The following VPS50 variants were observed in gnomAD, a reference collection of about 807,000 sequenced individuals.
The protein encoded by VPS50 is VPS50 subunit of EARP/GARPII complex, also known as syndetin.
VPS50 carries 70 observed loss-of-function variants against 139.7 expected under a neutral mutation model. That is an observed-to-expected ratio of 0.50 (90% CI 0.41 to 0.61). VPS50 has a LOEUF of 0.61. Among genes scored for constraint, VPS50 ranks in the 20% least tolerant of loss-of-function variants. VPS50 has a pLI of 0.00. For synonymous variants in VPS50, 365 were observed against 376.7 expected (o/e 0.97, Z 0.36); for missense variants, 921 against 1,133.7 (o/e 0.81, Z 2.69).
At chr7:93,307,909 T>G (rs937871603) in intron 18 of VPS50, among the ~76,000 whole-genome samples, 4 of 151,902 alleles carry the variant, frequency 2.6e-5, no homozygotes, top group Non-Finnish European at 5.9e-5. Context: ...AGTTGTTGAA[T>G]TAGGGGGCTA....
intron 9 of VPS50, among the ~76,000 whole-genome samples, chr7:93,261,123 A>G (rs1354443872): frequency 2.6e-5 from 4 of 152,226 alleles, no homozygotes; most frequent in African/African-American, 4.8e-5. Context: ...ATTTCCAACA[A>G]GCCATTCTGG....
chr7:93,343,602 A>G (rs1010872196), intron 23 of VPS50, among the ~76,000 whole-genome samples: 3 of 152,224 alleles, frequency 2.0e-5, no homozygotes, highest in African/African-American at 7.2e-5. Flanking sequence ...GGTTACCCTC[A>G]AAGGGAAGCC....
Position 93,341,407 on chromosome 7 carries a change from T to C in VPS50, c.2059-20T>C, listed in dbSNP as rs777956387. 3.2e-6 allele frequency: 5 copies of C among 1,569,218 alleles called. No individual in the cohort carries two copies. In the South Asian group the frequency reaches 5.8e-5, roughly 18 times the overall value. On this transcript the variant is annotated intron_variant, in intron 22 of 27. Coordinates refer to ENST00000305866, the MANE Select transcript of VPS50 (RefSeq NM_017667.4). ...CTGTTAGATTTGTTATTCCAGGTTG[T>C]ATATCTATTGTATTTTCAGGAAGTT...
At chr7:93,303,059 A>G (rs1360519713) in intron 16 of VPS50, among the ~76,000 whole-genome samples, 5 of 151,916 alleles carry the variant, frequency 3.3e-5, no homozygotes, top group African/African-American at 4.8e-5. Flanking sequence ...GTTTAACATA[A>G]TATGTTGGTA....
At chr7:93,333,721 A>G (rs1034726115) in intron 21 of VPS50, among the ~76,000 whole-genome samples, 12 of 152,252 alleles carry the variant, frequency 7.9e-5, no homozygotes, top group Non-Finnish European at 1.8e-4. Flanking sequence ...AAAAATAACC[A>G]AAAAATATAA....
At chr7:93,321,184 A>C (rs1163905732) in intron 20 of VPS50, 3 of 152,232 alleles carry the variant, frequency 2.0e-5, no homozygotes, top group African/African-American at 7.2e-5. Context: ...TGCAAAGCCT[A>C]AACTATCTAC....
intron 26 of VPS50, among the ~76,000 whole-genome samples, chr7:93,355,113 C>CTT (rs142584962): frequency 3.6e-4 from 34 of 94,840 alleles, no homozygotes; most frequent in South Asian, 1.3e-3. Flanking sequence ...ATAAAATACT[C>CTT]TTTTTTAAAA....
intron 21 of VPS50, among the ~76,000 whole-genome samples, chr7:93,331,519 A>G (rs1797940846): frequency 6.6e-6 from 1 of 152,098 alleles, no homozygotes; most frequent in African/African-American, 2.4e-5. Context: ...TGGTGTGGGT[A>G]CACTTGGATA....
intron 1 of VPS50, 101 bp from the exon 2 acceptor site, chr7:93,239,765 T>C (rs1419181041): frequency 1.1e-5 from 7 of 657,732 alleles, no homozygotes; most frequent in South Asian, 5.2e-5. Context: ...CAGGAAAATT[T>C]CTATTTTTAA....
intron 10 of VPS50, among the ~76,000 whole-genome samples, chr7:93,272,389 G>A (rs1000499018): frequency 1.3e-5 from 2 of 151,746 alleles, no homozygotes; most frequent in African/African-American, 2.4e-5. Flanking sequence ...TAAAACACTA[G>A]GCATGGGTTT....
In VPS50 at chr7:93,341,484, G is replaced by T. The variant is rs533219036; in HGVS notation, c.2116G>T (p.Val706Leu). The stretch of plus-strand genomic sequence containing the variant: ...AGCAGCAGAAGAAAGAAAGGAGAAG[G>T]TGCCAAGTCCACACCTCAGTCACCT... ...LTAAEERKEK[V>L]PSPHLSHLVV... is the part of the protein sequence containing the mutation. Residue 706 changes from valine (V) to leucine (L), a missense_variant, in exon 23 of 28, where the codon GTG (valine) becomes TTG (leucine). Transcript: ENST00000305866. 5.0e-6 allele frequency: 8 copies of T among 1,612,696 alleles called. No homozygotes were observed. Among genetic ancestry groups the T allele is most frequent in the Non-Finnish European group, 6.8e-6 (8 of 1,179,094 alleles).
Position 93,265,527 on chromosome 7 carries a change from G to T in VPS50, c.660-5693G>T, listed in dbSNP as rs757004808. Among the ~76,000 whole-genome samples the T allele has an allele frequency of 7.1e-4, 108 of 152,118 alleles. 1 individual carries two copies. Among genetic ancestry groups the T allele is most frequent in the Non-Finnish European group, 1.3e-3 (86 of 68,018 alleles). ...AGATGTTTTGAACATATTATTATTG[G>T]ACTCTGAGCTTTGTGGTGATAGATT... On this transcript the variant is annotated intron_variant, in intron 9 of 27. Transcript: ENST00000305866.
chr7:93,324,491 G>A (rs1283931292), intron 21 of VPS50, among the ~76,000 whole-genome samples: 2 of 152,150 alleles, frequency 1.3e-5, no homozygotes, highest in African/African-American at 4.8e-5. Context: ...AGAGTTTTTA[G>A]CATGAAGAGT....
chr7:93,352,788 T>C (rs1351430440), intron 25 of VPS50, among the ~76,000 whole-genome samples: 1 of 152,108 alleles, frequency 6.6e-6, no homozygotes, highest in Non-Finnish European at 1.5e-5. Flanking sequence ...AGTATGATCA[T>C]GTCATAAAAG....
chr7:93,319,634 G>A (rs960563868), intron 20 of VPS50, among the ~76,000 whole-genome samples: 1 of 152,050 alleles, frequency 6.6e-6, no homozygotes, highest in African/African-American at 2.4e-5. Flanking sequence ...AGAATTTTAT[G>A]TTGATGTGTC....
At chr7:93,303,850 G>A (rs1195082890) in intron 17 of VPS50, among the ~76,000 whole-genome samples, 1 of 151,792 alleles carries the variant, frequency 6.6e-6, no homozygotes, top group East Asian at 1.9e-4. Flanking sequence ...AGAAAAGGGT[G>A]ACTGCTGTAT....
chr7:93,343,322 A>G (rs1180025944), intron 23 of VPS50, among the ~76,000 whole-genome samples: 12 of 152,320 alleles, frequency 7.9e-5, no homozygotes, highest in African/African-American at 2.2e-4. Context: ...TCCAAGAAAT[A>G]TGGGACTATG....
chr7:93,232,715 G>A lies in VPS50; in HGVS notation c.33+215G>A, dbSNP rs533925978. 2.0e-5 allele frequency among the ~76,000 whole-genome samples: 3 copies of A among 152,180 alleles called. No homozygotes were observed. The East Asian group carries it at 5.8e-4, about 29-fold the overall frequency. ...GGGTACCAGCCTCCCAGAAATATTCGTTTAAAAATAAGTCATTGAAGGAAT... is the reference window on the plus strand; with the variant it reads ...GGGTACCAGCCTCCCAGAAATATTCATTTAAAAATAAGTCATTGAAGGAAT... On this transcript the variant is annotated intron_variant, in intron 1 of 27. Coordinates refer to ENST00000305866, the MANE Select transcript of VPS50 (RefSeq NM_017667.4).
chr7:93,268,735 C>A (rs1022509950), intron 9 of VPS50, among the ~76,000 whole-genome samples: 1 of 152,116 alleles, frequency 6.6e-6, no homozygotes, highest in Non-Finnish European at 1.5e-5. Context: ...CATTGATGGG[C>A]ATTTGGGTTG....
Sources: allele counts gnomAD v4.1 joint callset (sites outside exome capture counted in the v4.1 genomes callset), GRCh38; gene constraint gnomAD v4.1.1; transcripts MANE v1.5; gene names NCBI Gene and HGNC (gene_info 2026-07-23, HGNC 2026-07-21).